Variants in WWOX observed in about 807,000 individuals in gnomAD.
The protein encoded by WWOX is WW domain-containing oxidoreductase.
In WWOX, 69 loss-of-function variants were observed where a neutral mutation model predicts 46.2. The observed-to-expected ratio is 1.49, with a 90% CI of 1.23 to 1.82. The LOEUF is 1.82. WWOX is among the 40% of genes most tolerant of loss of function. WWOX has a pLI of 0.00. For synonymous variants in WWOX, 359 were observed against 202.6 expected, an observed-to-expected ratio of 1.77 and a Z score of -6.56; for missense variants, 919 against 542.6, an observed-to-expected ratio of 1.69 and a Z score of -6.89.
chr16:79,137,613 G>A (rs750042150), intron 8 of WWOX, among the ~76,000 whole-genome samples: 2 of 152,092 alleles, frequency 1.3e-5, no homozygotes, highest in Non-Finnish European at 2.9e-5. Context: ...CTTTGGCTCT[G>A]ACCTGCCATC....
intron 8 of WWOX, among the ~76,000 whole-genome samples, chr16:78,665,384 T>A (rs1206387337): frequency 1.3e-5 from 2 of 152,168 alleles, no homozygotes; most frequent in African/African-American, 2.4e-5. Flanking sequence ...ATAATTGAAT[T>A]ATTATTATTG....
intron 8 of WWOX, among the ~76,000 whole-genome samples, chr16:78,746,935 G>C (rs190825594): frequency 1.3e-5 from 2 of 152,066 alleles, no homozygotes; most frequent in East Asian, 3.9e-4. Flanking sequence ...CCCATCCCTA[G>C]TGGCTTCCTA....
At chr16:79,138,183 C>T (rs986591486) in intron 8 of WWOX, among the ~76,000 whole-genome samples, 1 of 152,008 alleles carries the variant, frequency 6.6e-6, no homozygotes, top group Non-Finnish European at 1.5e-5. Flanking sequence ...TCTTGGATGC[C>T]CCACTTTCCA....
intron 8 of WWOX, among the ~76,000 whole-genome samples, chr16:78,613,469 C>CGCTGTCCTG (rs2045947483): frequency 6.6e-6 from 1 of 152,144 alleles, no homozygotes; most frequent in South Asian, 2.1e-4. Flanking sequence ...CTGGCAGAAT[C>CGCTGTCCTG]GCTGTCCTGC....
chr16:79,117,866 C>G (rs1481664350), intron 8 of WWOX, among the ~76,000 whole-genome samples: 2 of 152,182 alleles, frequency 1.3e-5, no homozygotes, highest in African/African-American at 4.8e-5. Flanking sequence ...GAGTGAGGGC[C>G]TTGCTCTGGA....
At chr16:78,271,709 A>C (rs527325972) in intron 5 of WWOX, among the ~76,000 whole-genome samples, 3 of 152,324 alleles carry the variant, frequency 2.0e-5, no homozygotes, top group Admixed American at 2.0e-4. Context: ...TAATTTTTCT[A>C]GCAGTGAAAA....
intron 8 of WWOX, among the ~76,000 whole-genome samples, chr16:79,121,399 G>A (rs2049628637): frequency 6.6e-6 from 1 of 152,152 alleles, no homozygotes; most frequent in Non-Finnish European, 1.5e-5. Context: ...ATATAACATG[G>A]CTTAGAGACA....
At chr16:79,182,887 T>C (rs2050940122) in intron 8 of WWOX, among the ~76,000 whole-genome samples, 2 of 152,166 alleles carry the variant, frequency 1.3e-5, no homozygotes, top group Non-Finnish European at 2.9e-5. Context: ...AAAGACATAT[T>C]TAACAAAAGC....
chr16:78,660,931 A>G (rs1053524353), intron 8 of WWOX, among the ~76,000 whole-genome samples: 10 of 152,338 alleles, frequency 6.6e-5, no homozygotes, highest in African/African-American at 2.4e-4. Context: ...CTAATACTGC[A>G]TGACGGATAA....
At chr16:78,107,952 CAG>C (rs1445595782) in intron 1 of WWOX, among the ~76,000 whole-genome samples, 4 of 151,938 alleles carry the variant, frequency 2.6e-5, no homozygotes, top group African/African-American at 9.7e-5. Flanking sequence ...ATTTTTGAGA[CAG>C]AGTCTTGCTC....
intron 8 of WWOX, chr16:78,825,842 C>A (rs1343213162): frequency 4.9e-6 from 3 of 618,052 alleles, no homozygotes; most frequent in Non-Finnish European, 8.9e-6. Context: ...GAAGGTCATG[C>A]TGCCCTGGGA....
intron 5 of WWOX, among the ~76,000 whole-genome samples, chr16:78,188,836 C>G (rs1163751122): frequency 6.6e-6 from 1 of 152,132 alleles, no homozygotes; most frequent in Non-Finnish European, 1.5e-5. Flanking sequence ...AATAATACCC[C>G]TGTTTGACAA....
Position 78,208,399 on chromosome 16 carries a change from A to G in WWOX, c.516+44110A>G, listed in dbSNP as rs182804083. On this transcript the variant is annotated intron_variant, in intron 5 of 8. Coordinates refer to ENST00000566780, the MANE Select transcript of WWOX (RefSeq NM_016373.4). ...CATAAAAACATACCGTTACATATGT[A>G]TATGAAACGGTGAGAAACTGCGTAT... Among the ~76,000 whole-genome samples the G allele has an allele frequency of 5.3e-5, 8 of 152,346 alleles. 1 individual carries two copies. In the South Asian group the frequency reaches 6.2e-4, roughly 12 times the overall value.
chr16:78,395,938 C>A (rs1411245617), intron 6 of WWOX, among the ~76,000 whole-genome samples: 2 of 152,084 alleles, frequency 1.3e-5, no homozygotes, highest in African/African-American at 4.8e-5. Flanking sequence ...AGATGAGTTG[C>A]CATAAAAGCA....
chr16:78,264,676 G>T (rs542479718), intron 5 of WWOX: 1 of 152,208 alleles, frequency 6.6e-6, no homozygotes, highest in Non-Finnish European at 1.5e-5. Flanking sequence ...AACGGGCAGG[G>T]TCTATACATG....
At chr16:78,703,816 G>T (rs1012978147) in intron 8 of WWOX, among the ~76,000 whole-genome samples, 1 of 152,042 alleles carries the variant, frequency 6.6e-6, no homozygotes, top group Admixed American at 6.6e-5. Context: ...CTGAGTTGCT[G>T]GTACTGCTGT....
At chr16:78,203,537 C>T (rs983642018) in intron 5 of WWOX, among the ~76,000 whole-genome samples, 5 of 152,048 alleles carry the variant, frequency 3.3e-5, no homozygotes, top group African/African-American at 9.7e-5. Context: ...AGAAATAAAA[C>T]ATATTCAATA....
At chr16:78,823,963 G>A (rs2051578513) in intron 8 of WWOX, among the ~76,000 whole-genome samples, 1 of 151,970 alleles carries the variant, frequency 6.6e-6, no homozygotes, top group East Asian at 1.9e-4. Context: ...TTATTGAGAT[G>A]GGGTCTTCCT....
At chr16:78,284,014 T>C (rs1338147480) in intron 5 of WWOX, among the ~76,000 whole-genome samples, 1 of 152,208 alleles carries the variant, frequency 6.6e-6, no homozygotes, top group African/African-American at 2.4e-5. Flanking sequence ...ATTGAACATA[T>C]TGATTAATGA....
Sources: allele counts gnomAD v4.1 joint callset (sites outside exome capture counted in the v4.1 genomes callset), GRCh38; gene constraint gnomAD v4.1.1; transcripts MANE v1.5; gene names NCBI Gene and HGNC (gene_info 2026-07-23, HGNC 2026-07-21).